MTUS2: variants seen among roughly 807,000 people sequenced by gnomAD.
The protein encoded by MTUS2 is microtubule-associated tumor suppressor candidate 2.
A neutral mutation model predicts 114.1 loss-of-function variants in MTUS2; 40 were observed. The observed-to-expected ratio is 0.35, with a 90% CI of 0.27 to 0.46. The LOEUF is 0.46. MTUS2 is among the 20% of genes least tolerant of loss of function. MTUS2 has a pLI of 1.00. For missense variants in MTUS2, 1,679 were observed against 1,705.4 expected, an observed-to-expected ratio of 0.98 and a Z score of 0.27; for synonymous variants, 688 against 672.0, an observed-to-expected ratio of 1.02 and a Z score of -0.37.
chr13:28,868,063 T>C (rs892664436), intron 2 of MTUS2, among the ~76,000 whole-genome samples: 3 of 152,216 alleles, frequency 2.0e-5, no homozygotes. Context: ...TCATTCATCT[T>C]TATCTGCTTA....
intron 8 of MTUS2, 41 bp downstream of exon 8, chr13:29,359,514 G>C (rs1403972695): frequency 6.4e-7 from 1 of 1,572,920 alleles, no homozygotes; most frequent in South Asian, 1.2e-5. Context: ...CATTTTGGTT[G>C]GAGGAGAGTG....
rs150091938 is a variant in MTUS2, at chr13:29,276,914, A to G, written c.2645-4790A>G. Reference sequence around the variant, plus strand: ...CTCCGTCTCAAATAAATAAATAAATAAATAAATGAATAAATAAATAAATAA... The same window carrying G: ...CTCCGTCTCAAATAAATAAATAAATGAATAAATGAATAAATAAATAAATAA... On this transcript the variant is annotated intron_variant, in intron 5 of 15. Coordinates refer to ENST00000612955, the MANE Select transcript of MTUS2 (RefSeq NM_001033602.4). Among the ~76,000 whole-genome samples, 163 of 152,268 alleles carry G rather than the reference A, an allele frequency of 1.1e-3. 1 individual carries two copies. Among genetic ancestry groups the G allele is most frequent in the African/African-American group, 3.8e-3 (156 of 41,554 alleles).
At chr13:29,479,713 G>A (rs1331538886) in intron 9 of MTUS2, among the ~76,000 whole-genome samples, 1 of 152,162 alleles carries the variant, frequency 6.6e-6, no homozygotes, top group Non-Finnish European at 1.5e-5. Context: ...GTCACCCAGG[G>A]GTTTTGCTAA....
chr13:29,034,325 G>T (rs996524132), intron 4 of MTUS2, among the ~76,000 whole-genome samples, 200 bp downstream of exon 4: 1 of 152,156 alleles, frequency 6.6e-6, no homozygotes, highest in African/African-American at 2.4e-5. Flanking sequence ...CCTTTAAACT[G>T]ATGGCCCTTG....
At chr13:29,405,313 T>G (rs1380219710) in intron 8 of MTUS2, among the ~76,000 whole-genome samples, 1 of 152,232 alleles carries the variant, frequency 6.6e-6, no homozygotes, top group Non-Finnish European at 1.5e-5. Flanking sequence ...TACCAGAAAC[T>G]AAACAGCATT....
intron 5 of MTUS2, among the ~76,000 whole-genome samples, chr13:29,166,870 A>G (rs1465975784): frequency 6.6e-6 from 1 of 152,208 alleles, no homozygotes; most frequent in East Asian, 1.9e-4. Flanking sequence ...TCAATTGATC[A>G]TGTTTTTAAA....
At chr13:29,264,166 T>C (rs1014555948) in intron 5 of MTUS2, among the ~76,000 whole-genome samples, 1 of 152,180 alleles carries the variant, frequency 6.6e-6, no homozygotes, top group African/African-American at 2.4e-5. Context: ...CCCACACGAA[T>C]CCAAAACCCA....
chr13:29,445,002 C>T (rs1220008694), intron 9 of MTUS2, among the ~76,000 whole-genome samples: 1 of 152,182 alleles, frequency 6.6e-6, no homozygotes, highest in Non-Finnish European at 1.5e-5. Flanking sequence ...ATCCCCAGTA[C>T]ATTTGCAGAC....
At chr13:28,885,821 A>C (rs2138155001) in intron 2 of MTUS2, among the ~76,000 whole-genome samples, 1 of 152,384 alleles carries the variant, frequency 6.6e-6, no homozygotes, top group East Asian at 1.9e-4. Context: ...TGGACAAAAC[A>C]GATCAAAATC....
chr13:28,919,658 T>C (rs1390896293), intron 2 of MTUS2, among the ~76,000 whole-genome samples: 1 of 152,222 alleles, frequency 6.6e-6, no homozygotes, highest in Non-Finnish European at 1.5e-5. Context: ...GAATAAACTT[T>C]CTACCCCTAT....
intron 4 of MTUS2, among the ~76,000 whole-genome samples, chr13:29,065,016 T>G (rs1888601130): frequency 6.6e-6 from 1 of 152,216 alleles, no homozygotes; most frequent in Non-Finnish European, 1.5e-5. Flanking sequence ...TTTTCCTTAT[T>G]CTGTCTTCCA....
chr13:29,100,661 A>G, intron 4 of MTUS2, 112 bp from the exon 5 acceptor site: 2 of 1,267,024 alleles, frequency 1.6e-6, no homozygotes, highest in Non-Finnish European at 2.2e-6. Context: ...ACCTTGCAAG[A>G]TTAATTTTAG....
chr13:29,201,373 C>G (rs1319375980), intron 5 of MTUS2, among the ~76,000 whole-genome samples: 1 of 151,526 alleles, frequency 6.6e-6, no homozygotes, highest in Admixed American at 6.6e-5. Context: ...GTAAAAATTC[C>G]TCAATTTTTT....
At chr13:29,424,719 G>A (rs1876375775) in intron 8 of MTUS2, among the ~76,000 whole-genome samples, 1 of 152,160 alleles carries the variant, frequency 6.6e-6, no homozygotes, top group Non-Finnish European at 1.5e-5. Context: ...TCACTTAAAA[G>A]GATGCAGGAA....
rs529146659 is a variant in MTUS2, at chr13:29,324,514, G to C, written c.2807-99G>C. The C allele has an allele frequency of 1.2e-5, 10 of 802,750 alleles. No homozygotes were observed. The African/African-American group carries it at 1.4e-4, about 11-fold the overall frequency. The allele number at this position is 802,750 out of a possible 1,614,324, so 49.7% of individuals were successfully genotyped here. On this transcript the variant is annotated intron_variant, in intron 6 of 15. Transcript: ENST00000612955. ...ACCCAAATATTTCTTTTGTTGATAT[G>C]TTTGACTTTCTTGAAGCCACCCTTT...
At chr13:28,948,293 A>G (rs1882635602) in intron 2 of MTUS2, among the ~76,000 whole-genome samples, 1 of 152,106 alleles carries the variant, frequency 6.6e-6, no homozygotes, top group Non-Finnish European at 1.5e-5. Flanking sequence ...TTTTCAAATG[A>G]TCCTAAATCA....
intron 5 of MTUS2, among the ~76,000 whole-genome samples, chr13:29,241,432 C>CG: frequency 6.6e-6 from 1 of 152,168 alleles, no homozygotes; most frequent in Admixed American, 6.5e-5. Context: ...TTTGTTGGGA[C>CG]GGGGTCTCAC....
intron 9 of MTUS2, among the ~76,000 whole-genome samples, chr13:29,465,879 GTC>G (rs1290794577): frequency 6.6e-6 from 1 of 152,254 alleles, no homozygotes; most frequent in Non-Finnish European, 1.5e-5. Context: ...AGTTAGAACA[GTC>G]TGCCTGCTGG....
intron 5 of MTUS2, among the ~76,000 whole-genome samples, chr13:29,261,948 T>C (rs1897488468): frequency 6.6e-6 from 1 of 152,242 alleles, no homozygotes; most frequent in East Asian, 1.9e-4. Context: ...TCTCTTGATA[T>C]ATTAGCCTTT....
Sources: gnomAD v4.1 joint callset for allele counts (sites outside exome capture counted in the v4.1 genomes callset) on GRCh38, gnomAD v4.1.1 for gene constraint, MANE v1.5 for transcripts, NCBI Gene and HGNC (gene_info 2026-07-23, HGNC 2026-07-21) for gene names.